The following RBL1 variants were observed in gnomAD, a reference collection of about 807,000 sequenced individuals.
RBL1 encodes the protein RB transcriptional corepressor like 1.
Under a neutral mutation model 123.0 loss-of-function variants are expected in RBL1, and 82 were observed. The observed-to-expected ratio is 0.67, with a 90% CI of 0.56 to 0.80. The LOEUF is 0.80. Among genes scored for constraint, RBL1 ranks in the 30% least tolerant of loss-of-function variants. The probability of loss-of-function intolerance (pLI) is 0.00; values close to 1 mark genes in which losing one functional copy is unlikely to be tolerated. For synonymous variants in RBL1, 405 were observed against 441.3 expected (o/e 0.92, Z 1.03); for missense variants, 1,171 against 1,299.6 (o/e 0.90, Z 1.52).
At chr20:37,034,660 G>C (rs915290626) in intron 15 of RBL1, among the ~76,000 whole-genome samples, 1 of 151,746 alleles carries the variant, frequency 6.6e-6, no homozygotes, top group South Asian at 2.1e-4. Context: ...TCCAATGTGG[G>C]TGACAGAGTG....
chr20:37,054,578 C>T lies in RBL1; in HGVS notation c.1467+975G>A, dbSNP rs1274357977. 2.0e-5 allele frequency among the ~76,000 whole-genome samples: 3 copies of T among 151,896 alleles called. No individual in the cohort carries two copies. In the East Asian group the frequency reaches 5.8e-4, roughly 29 times the overall value. On this transcript the variant is annotated intron_variant, in intron 11 of 21. Coordinates refer to ENST00000373664, the MANE Select transcript of RBL1 (RefSeq NM_002895.5). ...GGTGAGGTGGCTCATGGCTGTAATC[C>T]TAGCACTTTGTGAGGCTGAGGTGGG...
At chr20:37,082,845 T>C (rs188909976) in intron 2 of RBL1, among the ~76,000 whole-genome samples, 2 of 151,664 alleles carry the variant, frequency 1.3e-5, no homozygotes, top group Admixed American at 1.3e-4. Context: ...AAAAAAGAGC[T>C]ACAAAAATTA....
intron 16 of RBL1, among the ~76,000 whole-genome samples, chr20:37,025,646 G>A (rs2064407095): frequency 6.6e-6 from 1 of 152,106 alleles, no homozygotes; most frequent in East Asian, 1.9e-4. Flanking sequence ...CTTTCTGCTG[G>A]CTAGAATGCA....
At chr20:37,076,836 T>G (rs1047943649) in intron 2 of RBL1, among the ~76,000 whole-genome samples, 1 of 152,188 alleles carries the variant, frequency 6.6e-6, no homozygotes, top group Non-Finnish European at 1.5e-5. Flanking sequence ...CTCTTAAACT[T>G]TTCACTTTGA....
intron 2 of RBL1, among the ~76,000 whole-genome samples, chr20:37,080,571 T>C (rs1363682187): frequency 1.3e-5 from 2 of 150,798 alleles, no homozygotes; most frequent in Admixed American, 1.3e-4. Context: ...TGATTCTCGT[T>C]TCTAAGCCTC....
rs1031600729 is a variant in RBL1 at position 37,041,352 on chromosome 20, C to T, written c.1771-1067G>A. On this transcript the variant is annotated intron_variant, in intron 13 of 21. Coordinates refer to ENST00000373664, the MANE Select transcript of RBL1 (RefSeq NM_002895.5). ...TTAATTTTTTTTTGAGACACAGTCT[C>T]GCTCTGTTGTCCAGGCTGGAGTGCA... 6.6e-5 allele frequency among the ~76,000 whole-genome samples: 10 copies of T among 152,106 alleles called. No homozygotes were observed. The East Asian group carries it at 7.7e-4, about 12-fold the overall frequency.
intron 19 of RBL1, among the ~76,000 whole-genome samples, chr20:37,012,810 G>A (rs2064182703): frequency 6.7e-6 from 1 of 149,158 alleles, no homozygotes; most frequent in Non-Finnish European, 1.5e-5. Context: ...CCCCTGCCCG[G>A]CCAGCCACCC....
chr20:36,998,164 GT>G lies in RBL1; in HGVS notation c.*594del, dbSNP rs1415927533. 6.6e-6 allele frequency: 1 copy of G among 151,720 alleles called. No individual in the cohort carries two copies. Among genetic ancestry groups the G allele is most frequent in the Non-Finnish European group, 1.5e-5 (1 of 67,962 alleles). The allele number at this position is 151,720 out of a possible 1,614,324, so 9.4% of individuals were successfully genotyped here. ...TAAAAGAGAGCTAAAAAGTTATGGG[GT>G]TTCTCCTTATTTCATCTTGAAAACT... is the stretch of plus-strand genomic sequence containing the variant. On this transcript the variant is annotated 3_prime_UTR_variant, in exon 22 of 22. Transcript: ENST00000373664.
intron 19 of RBL1, among the ~76,000 whole-genome samples, chr20:37,011,559 G>A (rs747688583): frequency 6.7e-5 from 10 of 150,300 alleles, no homozygotes; most frequent in Non-Finnish European, 1.2e-4. Context: ...CTCAGCCTCC[G>A]AAGTGGCAGG....
At chr20:37,044,582 G>A (rs923239563) in intron 12 of RBL1, among the ~76,000 whole-genome samples, 4 of 152,090 alleles carry the variant, frequency 2.6e-5, no homozygotes, top group African/African-American at 9.7e-5. Flanking sequence ...CAGGTGATCT[G>A]CCCGCCTAGG....
rs1043184380 is a variant in RBL1, at chr20:37,069,845, T to C, written c.291-1659A>G. Among the ~76,000 whole-genome samples, 47 of 139,076 alleles carry C rather than the reference T, an allele frequency of 3.4e-4. 1 individual carries two copies. Among genetic ancestry groups the C allele is most frequent in the African/African-American group, 1.3e-3 (45 of 35,846 alleles). 91.2% of individuals were successfully genotyped at this position (139,076 alleles called of 152,430 possible). A position where few individuals can be genotyped will look rare whatever the true frequency, so the allele number is the denominator to read the frequency against. On this transcript the variant is annotated intron_variant, in intron 2 of 21. Coordinates refer to ENST00000373664, the MANE Select transcript of RBL1 (RefSeq NM_002895.5). The stretch of plus-strand genomic sequence containing the variant: ...CCAGCCGCCCTGTCCGGGAGGGAGG[T>C]GGGGGGGTCAGCCCCCCGCCCGGCC...
At chr20:37,021,387 C>CT (rs1460321539) in intron 17 of RBL1, among the ~76,000 whole-genome samples, 3 of 152,056 alleles carry the variant, frequency 2.0e-5, no homozygotes, top group Non-Finnish European at 2.9e-5. Context: ...AGCCTGAACT[C>CT]TAACAGTCTT....
intron 15 of RBL1, among the ~76,000 whole-genome samples, chr20:37,033,616 T>C (rs1241137455): frequency 6.8e-6 from 1 of 146,412 alleles, no homozygotes; most frequent in Admixed American, 6.9e-5. Flanking sequence ...CAGCTGGACT[T>C]TTTTTTTTTT....
chr20:37,000,522 T>C, intron 21 of RBL1, among the ~76,000 whole-genome samples: 1 of 125,086 alleles, frequency 8.0e-6, no homozygotes. Flanking sequence ...GAGGGGCGCC[T>C]CTGCCCGGCC....
chr20:37,066,073 C>T (rs1489041966), intron 6 of RBL1, among the ~76,000 whole-genome samples: 1 of 152,144 alleles, frequency 6.6e-6, no homozygotes, highest in East Asian at 1.9e-4. Flanking sequence ...AGAAAAATCT[C>T]ATAATATTTG....
At chr20:37,066,596 T>A in intron 6 of RBL1, 128 bp downstream of exon 6, 1 of 801,682 alleles carries the variant, frequency 1.2e-6, no homozygotes, top group Non-Finnish European at 1.9e-6. Flanking sequence ...TGAATCACAG[T>A]AGAGGCTAAA....
chr20:37,034,354 T>C (rs900055748), intron 15 of RBL1, among the ~76,000 whole-genome samples: 2 of 152,216 alleles, frequency 1.3e-5, no homozygotes, highest in Non-Finnish European at 2.9e-5. Context: ...ATTTATAGTT[T>C]AAATTTATTG....
intron 19 of RBL1, among the ~76,000 whole-genome samples, 200 bp downstream of exon 19, chr20:37,018,079 C>T (rs1004418528): frequency 1.3e-5 from 2 of 152,312 alleles, no homozygotes; most frequent in Admixed American, 6.5e-5. Flanking sequence ...TTCCAAAACA[C>T]AATTAACAGG....
intron 11 of RBL1, among the ~76,000 whole-genome samples, chr20:37,052,891 C>T (rs1267318838): frequency 1.3e-5 from 2 of 152,172 alleles, no homozygotes; most frequent in Non-Finnish European, 2.9e-5. Context: ...ATCCACCTGC[C>T]TCAGTCTCCC....
Sources: gnomAD v4.1 joint callset for allele counts (sites outside exome capture counted in the v4.1 genomes callset) on GRCh38, gnomAD v4.1.1 for gene constraint, MANE v1.5 for transcripts, NCBI Gene and HGNC (gene_info 2026-07-23, HGNC 2026-07-21) for gene names.